CLSTN1: variants seen among roughly 807,000 people sequenced by gnomAD.
CLSTN1 encodes calsyntenin 1.
Under a neutral mutation model 108.3 loss-of-function variants are expected in CLSTN1, and 28 were observed. The ratio of observed to expected loss-of-function variants is 0.26; its 90% CI spans 0.19 to 0.35. The LOEUF is 0.35. CLSTN1 is among the 10% of genes least tolerant of loss of function. The probability of loss-of-function intolerance (pLI) is 1.00; values close to 1 mark genes in which losing one functional copy is unlikely to be tolerated. For synonymous variants in CLSTN1, 524 were observed against 534.9 expected (o/e 0.98, Z 0.28); for missense variants, 1,157 against 1,302.6 (o/e 0.89, Z 1.72).
chr1:9,730,554 G>C lies in CLSTN1; in HGVS notation c.2900C>G (p.Thr967Ser), dbSNP rs199861622. The C allele has an allele frequency of 1.9e-5, 30 of 1,608,062 alleles. No homozygotes were observed. In the East Asian group the frequency reaches 2.7e-4, roughly 14 times the overall value. The stretch of plus-strand genomic sequence containing the variant: ...ATCCCACTCCAGCTGCTGCTGCCGG[G>C]TTGCGTTCTGGGGGTCGCCCTGCTC... ...EGEQGDPQNA[T>S]RQQQLEWDDS... is the part of the protein sequence containing the mutation. Residue 967 changes from threonine (T) to serine (S), a missense_variant, in exon 19 of 19, where the codon ACC becomes AGC. Thr to Ser is a moderately conservative substitution (Grantham distance 58). Coordinates refer to ENST00000377298, the MANE Select transcript of CLSTN1 (RefSeq NM_001009566.3). This position sits in a 1 kb window ranked among gnomAD's most constrained non-coding sequence, Gnocchi z 5.6.
chr1:9,750,617 C>T (rs1200412963), intron 5 of CLSTN1, among the ~76,000 whole-genome samples: 1 of 150,208 alleles, frequency 6.7e-6, no homozygotes, highest in African/African-American at 2.5e-5. Context: ...GAGGCTGTGG[C>T]GGGAGGATCC....
chr1:9,732,523 T>G (rs994132680), intron 16 of CLSTN1, among the ~76,000 whole-genome samples: 2 of 152,146 alleles, frequency 1.3e-5, no homozygotes, highest in Non-Finnish European at 2.9e-5. Flanking sequence ...CTGCCATGGA[T>G]TTCCTTTCAT....
upstream of CLSTN1, chr1:9,824,413 T>C (rs1242212924): frequency 6.6e-6 from 1 of 152,026 alleles, no homozygotes; most frequent in East Asian, 1.9e-4. This position sits in a 1 kb window ranked among gnomAD's most constrained non-coding sequence, Gnocchi z 5.0. Flanking sequence ...GGCGGAGCAG[T>C]GCGGCCCAGG....
intron 1 of CLSTN1, among the ~76,000 whole-genome samples, chr1:9,799,617 G>A (rs1157717709): frequency 1.3e-5 from 2 of 149,694 alleles, no homozygotes; most frequent in East Asian, 3.9e-4. Context: ...CTCCAGCCTG[G>A]GCAACAGAGC....
chr1:9,796,536 T>C (rs61785188), intron 1 of CLSTN1, among the ~76,000 whole-genome samples: 2 of 148,736 alleles, frequency 1.3e-5, no homozygotes, highest in Non-Finnish European at 3.0e-5. Context: ...AAAAAAAAAT[T>C]AGCCGGACGT....
intron 2 of CLSTN1, 125 bp downstream of exon 2, chr1:9,773,147 C>A: frequency 7.8e-7 from 1 of 1,283,066 alleles, no homozygotes; most frequent in Non-Finnish European, 1.1e-6. Context: ...CTACAAAGGA[C>A]GCTACAAATA....
At chr1:9,787,916 G>T (rs1653571098) in intron 1 of CLSTN1, among the ~76,000 whole-genome samples, 2 of 151,020 alleles carry the variant, frequency 1.3e-5, no homozygotes, top group East Asian at 4.0e-4. Flanking sequence ...CCCTCCCCCA[G>T]CCCCTGGCAG....
At chr1:9,789,154 G>C (rs749161066) in intron 1 of CLSTN1, among the ~76,000 whole-genome samples, 1 of 151,356 alleles carries the variant, frequency 6.6e-6, no homozygotes, top group Non-Finnish European at 1.5e-5. Flanking sequence ...ATACCTCAAG[G>C]CCCTGTTTTC....
intron 7 of CLSTN1, among the ~76,000 whole-genome samples, chr1:9,749,035 C>T (rs1651419314): frequency 6.6e-6 from 1 of 152,048 alleles, no homozygotes; most frequent in African/African-American, 2.4e-5. Flanking sequence ...TCCCAAGTAA[C>T]TGGAACTACA....
intron 2 of CLSTN1, among the ~76,000 whole-genome samples, chr1:9,761,505 A>T (rs898237352): frequency 1.3e-5 from 2 of 152,092 alleles, no homozygotes; most frequent in Non-Finnish European, 2.9e-5. Context: ...ATGTCTAAAA[A>T]TTTTTTTAAA....
chr1:9,731,664 G>A (rs978399748), intron 17 of CLSTN1, 97 bp downstream of exon 17: 25 of 1,244,036 alleles, frequency 2.0e-5, no homozygotes, highest in African/African-American at 1.0e-4. Flanking sequence ...GGGAAAGACC[G>A]GCGGTCATGC....
intron 2 of CLSTN1, among the ~76,000 whole-genome samples, chr1:9,762,206 A>C (rs1652107770): frequency 6.6e-6 from 1 of 152,174 alleles, no homozygotes. Context: ...CCACACCTGT[A>C]ATCCCAGCAT....
chr1:9,731,867 C>T lies in CLSTN1; in HGVS notation c.2457G>A (p.Met819Ile), dbSNP rs1447153753. 6.2e-7 allele frequency: 1 copy of T among 1,614,102 alleles called. No homozygotes were observed. Among genetic ancestry groups the T allele is most frequent in the Non-Finnish European group, 8.5e-7 (1 of 1,180,026 alleles). The stretch of plus-strand genomic sequence containing the variant: ...GGGCAGCCATGTGGTTGGCGTGTTC[C>T]ATGGGGTTGGCCGTGTGGATTACAT... ...EVNVIHTANPMEHANHMAAQP... is the reference protein window; with the variant it reads ...EVNVIHTANPIEHANHMAAQP... The change falls in exon 17 of 19, where the codon ATG becomes ATA. Residue 819 changes from methionine (M) to isoleucine (I), a missense_variant. Met to Ile is a conservative substitution (Grantham distance 10, BLOSUM62 1). Transcript: ENST00000377298.
At chr1:9,776,189 C>T (rs1455677523) in intron 1 of CLSTN1, among the ~76,000 whole-genome samples, 2 of 151,988 alleles carry the variant, frequency 1.3e-5, no homozygotes, top group Admixed American at 1.3e-4. Context: ...GGCTGGTCTA[C>T]CAACTCCTGA....
chr1:9,779,678 T>C (rs1653150798), intron 1 of CLSTN1, among the ~76,000 whole-genome samples: 2 of 152,142 alleles, frequency 1.3e-5, no homozygotes, highest in Admixed American at 1.3e-4. Context: ...TCTCCCACCA[T>C]GGCCTCCCAA....
At chr1:9,731,514 C>A in intron 17 of CLSTN1, 124 bp from the exon 18 acceptor site, 2 of 1,124,264 alleles carry the variant, frequency 1.8e-6, no homozygotes, top group Non-Finnish European at 1.3e-6. Flanking sequence ...AACCCACAGG[C>A]CAGGAGGAAA....
chr1:9,761,771 C>T (rs546989751), intron 2 of CLSTN1, among the ~76,000 whole-genome samples: 2 of 152,256 alleles, frequency 1.3e-5, no homozygotes, highest in East Asian at 1.9e-4. Context: ...GGGGACCCTG[C>T]CCTTATATTG....
At chr1:9,737,088 G>A (rs912155150) in intron 11 of CLSTN1, among the ~76,000 whole-genome samples, 1 of 151,540 alleles carries the variant, frequency 6.6e-6, no homozygotes, top group South Asian at 2.1e-4. Context: ...AAAAAAAAAA[G>A]AGAGACGTCT....
intron 4 of CLSTN1, among the ~76,000 whole-genome samples, chr1:9,754,239 G>C (rs1651704691): frequency 6.6e-6 from 1 of 151,946 alleles, no homozygotes; most frequent in Non-Finnish European, 1.5e-5. Context: ...AGAGTATTTG[G>C]TGTGATAAAA....
Sources: gnomAD v4.1 joint callset for allele counts (sites outside exome capture counted in the v4.1 genomes callset) on GRCh38, gnomAD v4.1.1 for gene constraint, Gnocchi (gnomAD v3.1) non-coding constraint, MANE v1.5 for transcripts, NCBI Gene and HGNC (gene_info 2026-07-23, HGNC 2026-07-21) for gene names.